Variants in RAB11FIP4 observed in about 807,000 individuals in gnomAD.
The protein encoded by RAB11FIP4 is rab11 family-interacting protein 4.
Under a neutral mutation model 74.3 loss-of-function variants are expected in RAB11FIP4, and 23 were observed. The ratio of observed to expected loss-of-function variants is 0.31; its 90% CI spans 0.22 to 0.44. RAB11FIP4 has a LOEUF of 0.44. RAB11FIP4 is among the 20% of genes least tolerant of loss of function. The pLI is 1.00. For synonymous variants in RAB11FIP4, 360 were observed against 359.9 expected (o/e 1.00, Z 0.00); for missense variants, 630 against 863.9 (o/e 0.73, Z 3.39).
chr17:31,432,036 G>A (rs1231667113), intron 2 of RAB11FIP4, 136 bp downstream of exon 2: 2 of 657,840 alleles, frequency 3.0e-6, no homozygotes, highest in East Asian at 2.8e-5. Flanking sequence ...AGTCGGTTCT[G>A]CCTCTGGCTT....
rs531782039 is a variant in RAB11FIP4, at chr17:31,397,407, C to T, written c.159+5396C>T. Among the ~76,000 whole-genome samples the T allele has an allele frequency of 9.2e-5, 14 of 152,234 alleles. No individual in the cohort carries two copies. The East Asian group carries it at 1.7e-3, about 19-fold the overall frequency. ...CAGAATTGACAGGGGCCTGGAAGGC[C>T]GGCAAAGTCCCAACGAGCTACTCCC... On this transcript the variant is annotated intron_variant, in intron 1 of 14. Transcript: ENST00000621161.
Position 31,491,699 on chromosome 17 carries a change from G to A in RAB11FIP4, c.337-25952G>A, listed in dbSNP as rs114274108. ...GAGAGATGGGGGACCACCCAATGCT[G>A]TGACAACCCAGAATCCCAGGAGGAG... On this transcript the variant is annotated intron_variant, in intron 3 of 14. Coordinates refer to ENST00000621161, the MANE Select transcript of RAB11FIP4 (RefSeq NM_032932.6). 2.7e-3 allele frequency among the ~76,000 whole-genome samples: 405 copies of A among 152,328 alleles called. 2 individuals are homozygous for A. The highest frequency in any genetic ancestry group is 9.0e-3 in the African/African-American group (376 of 41,568).
chr17:31,437,419 G>A (rs1168953626), intron 3 of RAB11FIP4, among the ~76,000 whole-genome samples: 2 of 152,136 alleles, frequency 1.3e-5, no homozygotes, highest in African/African-American at 4.8e-5. Context: ...TCTCAGGCCC[G>A]GCTCTCTGCG....
intron 1 of RAB11FIP4, among the ~76,000 whole-genome samples, chr17:31,393,076 C>G (rs1374917920): frequency 6.6e-6 from 1 of 152,196 alleles, no homozygotes; most frequent in Non-Finnish European, 1.5e-5. Flanking sequence ...GAGTGGGAGG[C>G]GATTGAGAAT....
In RAB11FIP4 at chr17:31,525,029, C is replaced by T. The variant is rs532177926; in HGVS notation, c.1134-61C>T. On this transcript the variant is annotated intron_variant, in intron 9 of 14. Coordinates refer to ENST00000621161, the MANE Select transcript of RAB11FIP4 (RefSeq NM_032932.6). ...TCGGGGCCCAGGGTCCCCCGTGCCA[C>T]AGCCTGGGTTGGGGTGAAATGGTGC... The T allele has an allele frequency of 5.8e-6, 9 of 1,547,380 alleles. No individual in the cohort carries two copies. In the African/African-American group the frequency reaches 1.1e-4, roughly 19 times the overall value.
intron 3 of RAB11FIP4, among the ~76,000 whole-genome samples, chr17:31,503,019 A>T (rs1597961741): frequency 1.2e-5 from 1 of 81,060 alleles, no homozygotes; most frequent in Non-Finnish European, 2.4e-5. Context: ...TTACCTCTTT[A>T]TTATTATTAT....
At chr17:31,434,174 G>T (rs1459728029) in intron 3 of RAB11FIP4, 52 bp downstream of exon 3, 5 of 1,434,202 alleles carry the variant, frequency 3.5e-6, no homozygotes, top group Non-Finnish European at 4.8e-6. Context: ...CCTCCTTCTT[G>T]GTCTTGCCTT....
At chr17:31,430,012 G>A (rs1479622866) in intron 1 of RAB11FIP4, among the ~76,000 whole-genome samples, 1 of 152,150 alleles carries the variant, frequency 6.6e-6, no homozygotes, top group Non-Finnish European at 1.5e-5. Flanking sequence ...ATTGTTTGAA[G>A]GGAAAGTATA....
intron 1 of RAB11FIP4, among the ~76,000 whole-genome samples, chr17:31,422,426 A>G (rs7218430): frequency 0.57 from 87,220 of 152,130 alleles, 28,255 homozygotes; most frequent in Non-Finnish European, 0.71. Flanking sequence ...AACTGGTTAT[A>G]TTCTCTAGAG....
intron 3 of RAB11FIP4, among the ~76,000 whole-genome samples, chr17:31,499,707 C>T (rs2072182878): frequency 6.6e-6 from 1 of 152,132 alleles, no homozygotes; most frequent in South Asian, 2.1e-4. Flanking sequence ...GGGAGTTTAC[C>T]ACCTCTGTAA....
intron 3 of RAB11FIP4, among the ~76,000 whole-genome samples, chr17:31,437,060 A>G (rs1400006896): frequency 1.3e-5 from 2 of 151,830 alleles, no homozygotes; most frequent in Non-Finnish European, 2.9e-5. Context: ...AATGCTTTGG[A>G]TTTTAAGCTT....
chr17:31,491,335 G>T (rs1319473503), intron 3 of RAB11FIP4, among the ~76,000 whole-genome samples: 2 of 152,208 alleles, frequency 1.3e-5, no homozygotes, highest in Non-Finnish European at 2.9e-5. Context: ...ATTCTGTGCT[G>T]GGCACTGGAG....
chr17:31,419,712 G>A (rs1347746643), intron 1 of RAB11FIP4, among the ~76,000 whole-genome samples: 11 of 151,740 alleles, frequency 7.2e-5, no homozygotes, highest in African/African-American at 2.7e-4. Context: ...CACCATGCCC[G>A]GCTAATTTTT....
intron 9 of RAB11FIP4, 44 bp from the exon 10 acceptor site, chr17:31,525,046 A>G: frequency 6.5e-7 from 1 of 1,549,180 alleles, no homozygotes; most frequent in East Asian, 2.4e-5. Flanking sequence ...GGTTGGGGTG[A>G]AATGGTGCAG....
intron 3 of RAB11FIP4, among the ~76,000 whole-genome samples, chr17:31,514,208 G>C (rs968261332): frequency 6.6e-6 from 1 of 152,258 alleles, no homozygotes; most frequent in African/African-American, 2.4e-5. Flanking sequence ...CAGCTGCTGG[G>C]AGTATCAGGA....
Position 31,463,803 on chromosome 17 carries a change from CTTTTTTTT to C in RAB11FIP4, c.336+29702_336+29709del, listed in dbSNP as rs60955293. Among the ~76,000 whole-genome samples, 61 of 32,842 alleles carry C rather than the reference CTTTTTTTT, an allele frequency of 1.9e-3. 1 individual carries two copies. Among genetic ancestry groups the C allele is most frequent in the Non-Finnish European group, 2.7e-3 (51 of 18,734 alleles). 21.5% of individuals were successfully genotyped at this position (32,842 alleles called of 152,430 possible). A position where few individuals can be genotyped will look rare whatever the true frequency, so the allele number is the denominator to read the frequency against. ...ACAGGTGTGAGCCACTGCGCCTGGACTTTTTTTTTTTTTTTTTTTTTTTTTTTTGAGAC... is the reference window on the plus strand; with the variant it reads ...ACAGGTGTGAGCCACTGCGCCTGGACTTTTTTTTTTTTTTTTTTTTGAGAC... On this transcript the variant is annotated intron_variant, in intron 3 of 14. Transcript: ENST00000621161.
chr17:31,519,007 CTTTTTTT>C (rs1190316585), intron 4 of RAB11FIP4, among the ~76,000 whole-genome samples: 9 of 73,980 alleles, frequency 1.2e-4, no homozygotes, highest in Admixed American at 1.2e-3. Flanking sequence ...TAAGTTTTGT[CTTTTTTT>C]TTTTTTTTTT....
intron 3 of RAB11FIP4, among the ~76,000 whole-genome samples, chr17:31,468,911 G>A (rs1482640318): frequency 6.6e-6 from 1 of 152,114 alleles, no homozygotes; most frequent in Non-Finnish European, 1.5e-5. Context: ...CCCCTCTGGA[G>A]CACGTGAGGG....
In RAB11FIP4 at chr17:31,537,314, C is replaced by G. The variant is rs543376617; in HGVS notation, c.*5582C>G. Reference sequence around the variant, plus strand: ...ATTCGTCCACAAGGATCAGGCCCCACTTACCCTTGGCTCGCTCAGCCTGTA... The same window carrying G: ...ATTCGTCCACAAGGATCAGGCCCCAGTTACCCTTGGCTCGCTCAGCCTGTA... On this transcript the variant is annotated 3_prime_UTR_variant, in exon 15 of 15. Transcript: ENST00000621161. 1 of 398,272 alleles carries G rather than the reference C, an allele frequency of 2.5e-6. No individual in the cohort carries two copies. Among genetic ancestry groups the G allele is most frequent in the Non-Finnish European group, 4.4e-6 (1 of 226,112 alleles). 24.7% of individuals were successfully genotyped at this position (398,272 alleles called of 1,614,324 possible). A position where few individuals can be genotyped will look rare whatever the true frequency, so the allele number is the denominator to read the frequency against.
Sources: gnomAD v4.1 joint callset for allele counts (sites outside exome capture counted in the v4.1 genomes callset) on GRCh38, gnomAD v4.1.1 for gene constraint, MANE v1.5 for transcripts, NCBI Gene and HGNC (gene_info 2026-07-23, HGNC 2026-07-21) for gene names.